Variants in ENOX1 observed in about 807,000 individuals in gnomAD.
The protein encoded by ENOX1 is ecto-NOX disulfide-thiol exchanger 1.
Under a neutral mutation model 82.5 loss-of-function variants are expected in ENOX1, and 42 were observed. The ratio of observed to expected loss-of-function variants is 0.51; its 90% CI spans 0.40 to 0.66. The LOEUF (loss-of-function observed/expected upper bound fraction) is 0.66, where lower values mean the gene tolerates loss of function less well. Ranked by LOEUF, ENOX1 falls within the 30% of genes least tolerant of loss-of-function variation. The pLI is 0.00. For missense variants in ENOX1, 608 were observed against 811.6 expected (o/e 0.75, Z 3.05); for synonymous variants, 271 against 282.2 (o/e 0.96, Z 0.40).
rs1049683582 is a variant in ENOX1 at position 43,250,232 on chromosome 13, G to A, written c.1612-13494C>T. 2.6e-5 allele frequency among the ~76,000 whole-genome samples: 4 copies of A among 152,214 alleles called. No homozygotes were observed. In the East Asian group the frequency reaches 7.7e-4, roughly 29 times the overall value. Reference sequence around the variant, plus strand: ...GGGCCTTTAGTCCATGCTGCCTTCTGTCTGAATGATCTCTCCGGAAACTAT... The same window carrying A: ...GGGCCTTTAGTCCATGCTGCCTTCTATCTGAATGATCTCTCCGGAAACTAT... On this transcript the variant is annotated intron_variant, in intron 14 of 16. Coordinates refer to ENST00000690772, the MANE Select transcript of ENOX1 (RefSeq NM_001347969.2).
intron 2 of ENOX1, among the ~76,000 whole-genome samples, chr13:43,498,448 A>C (rs575446423): frequency 6.6e-6 from 1 of 152,204 alleles, no homozygotes; most frequent in East Asian, 1.9e-4. Context: ...ACAGAAGCCA[A>C]CCTTAAAGCG....
At chr13:43,618,820 T>A (rs1193703985) in intron 2 of ENOX1, among the ~76,000 whole-genome samples, 9 of 152,142 alleles carry the variant, frequency 5.9e-5, no homozygotes, top group Non-Finnish European at 1.3e-4. Context: ...TGTAGATTGC[T>A]TTTGGCAGTA....
At chr13:43,596,721 T>C (rs2081490626) in intron 2 of ENOX1, among the ~76,000 whole-genome samples, 1 of 152,258 alleles carries the variant, frequency 6.6e-6, no homozygotes, top group African/African-American at 2.4e-5. Context: ...ATGTACAACA[T>C]ACTTTAGACA....
chr13:43,670,542 C>T (rs1003550329), intron 1 of ENOX1, among the ~76,000 whole-genome samples: 2 of 152,070 alleles, frequency 1.3e-5, no homozygotes, highest in African/African-American at 4.8e-5. Context: ...CCTTAAGACA[C>T]AACTGAATTA....
At chr13:43,478,054 GTTTTTTTTTTT>G (rs756717438) in intron 3 of ENOX1, among the ~76,000 whole-genome samples, 1 of 100,450 alleles carries the variant, frequency 1.0e-5, no homozygotes, top group South Asian at 3.4e-4. Flanking sequence ...AGCCAGAGAG[GTTTTTTTTTTT>G]TTTTTTTTTT....
chr13:43,728,220 C>G (rs954897), intron 1 of ENOX1, among the ~76,000 whole-genome samples: 11,983 of 152,208 alleles, frequency 0.079, 712 homozygotes, highest in African/African-American at 0.16. Context: ...GTCAGAGAAC[C>G]TTCTTTTTCT....
intron 12 of ENOX1, among the ~76,000 whole-genome samples, chr13:43,275,381 A>C (rs2044950254): frequency 6.6e-6 from 1 of 152,210 alleles, no homozygotes; most frequent in East Asian, 1.9e-4. Flanking sequence ...CCCTATATGA[A>C]ATACATCAGC....
chr13:43,377,657 G>C (rs1393422282), intron 5 of ENOX1, among the ~76,000 whole-genome samples: 1 of 152,190 alleles, frequency 6.6e-6, no homozygotes, highest in Non-Finnish European at 1.5e-5. Context: ...TAGGCGCCAG[G>C]CAAGGTGCTA....
rs1566880844 is a variant in ENOX1 at position 43,754,057 on chromosome 13, T to TATATACGTATATAAATAC, written c.-285+32594_-285+32595insGTATTTATATACGTATAT. Reference sequence around the variant, plus strand: ...ATATGTATATAAATACACATATATATACATATATACGTATATAAATACACA... The same window carrying TATATACGTATATAAATAC: ...ATATGTATATAAATACACATATATATATATACGTATATAAATACACATATATACGTATATAAATACACA... On this transcript the variant is annotated intron_variant, in intron 1 of 16. Coordinates refer to ENST00000690772, the MANE Select transcript of ENOX1 (RefSeq NM_001347969.2). Among the ~76,000 whole-genome samples the TATATACGTATATAAATAC allele has an allele frequency of 2.9e-5, 4 of 139,150 alleles. 1 individual carries two copies. Among genetic ancestry groups the TATATACGTATATAAATAC allele is most frequent in the Non-Finnish European group, 6.3e-5 (4 of 63,844 alleles). The allele number at this position is 139,150 out of a possible 152,430, so 91.3% of individuals were successfully genotyped here.
intron 3 of ENOX1, among the ~76,000 whole-genome samples, chr13:43,418,221 C>A (rs545310173): frequency 6.6e-5 from 10 of 150,642 alleles, no homozygotes; most frequent in Admixed American, 1.3e-4. Flanking sequence ...AAAGTAAATA[C>A]ATAAAATAAT....
intron 5 of ENOX1, among the ~76,000 whole-genome samples, chr13:43,404,153 A>G (rs916574173): frequency 1.1e-4 from 17 of 152,204 alleles, no homozygotes; most frequent in Non-Finnish European, 2.4e-4. Flanking sequence ...TGTTAGCAGA[A>G]ATAAAGAAAC....
At chr13:43,309,168 T>C (rs969436977) in intron 11 of ENOX1, among the ~76,000 whole-genome samples, 1 of 151,946 alleles carries the variant, frequency 6.6e-6, no homozygotes, top group Non-Finnish European at 1.5e-5. Context: ...ATTACAGGTG[T>C]GTGCCACCAC....
chr13:43,250,734 G>T (rs2043406476), intron 14 of ENOX1, among the ~76,000 whole-genome samples: 1 of 152,178 alleles, frequency 6.6e-6, no homozygotes, highest in African/African-American at 2.4e-5. Context: ...AAGATTCAAA[G>T]ATGAATAATA....
intron 3 of ENOX1, chr13:43,458,533 T>TA (rs2057328266): frequency 6.6e-6 from 1 of 152,174 alleles, no homozygotes. Context: ...GCAGAGCTCT[T>TA]ACAGAAAATT....
chr13:43,646,793 C>T (rs149050656), intron 2 of ENOX1, among the ~76,000 whole-genome samples: 110 of 152,268 alleles, frequency 7.2e-4, no homozygotes, highest in Non-Finnish European at 1.1e-3. Context: ...TTTCCCTTCT[C>T]GCCTCATCAT....
chr13:43,685,286 AT>A lies in ENOX1; in HGVS notation c.-284-17743del, dbSNP rs2086008258. Among the ~76,000 whole-genome samples the A allele has an allele frequency of 3.9e-5, 6 of 152,178 alleles. No homozygotes were observed. In the South Asian group the frequency reaches 1.2e-3, roughly 32 times the overall value. ...TCTGCATCTTGCATAGTTTCCTTCTATTCCCCTGGGTAGCTTGCTGCCAGGA... is the reference window on the plus strand; with the variant it reads ...TCTGCATCTTGCATAGTTTCCTTCTATCCCCTGGGTAGCTTGCTGCCAGGA... On this transcript the variant is annotated intron_variant, in intron 1 of 16. Transcript: ENST00000690772.
At chr13:43,728,061 T>A (rs1594593337) in intron 1 of ENOX1, among the ~76,000 whole-genome samples, 1 of 152,338 alleles carries the variant, frequency 6.6e-6, no homozygotes, top group South Asian at 2.1e-4. Context: ...CTTGGGCTTT[T>A]ATAAATCCAA....
In ENOX1 at chr13:43,492,349, G is replaced by A. The variant is rs1171422615; in HGVS notation, c.-218-8197C>T. ...CCTTGTGAGAGACCCAGAGTTGGAG[G>A]ACCCAGCTAAGGCATGCTCAGATTC... On this transcript the variant is annotated intron_variant, in intron 2 of 16. Coordinates refer to ENST00000690772, the MANE Select transcript of ENOX1 (RefSeq NM_001347969.2). Among the ~76,000 whole-genome samples, 6 of 152,248 alleles carry A rather than the reference G, an allele frequency of 3.9e-5. No homozygotes were observed. The East Asian group carries it at 1.2e-3, about 29-fold the overall frequency.
chr13:43,362,611 G>A (rs973695308), intron 5 of ENOX1, among the ~76,000 whole-genome samples: 3 of 148,350 alleles, frequency 2.0e-5, no homozygotes, highest in South Asian at 2.3e-4. Context: ...TTAGGCCTCC[G>A]CATGGCCTCA....
Sources: allele counts gnomAD v4.1 joint callset (sites outside exome capture counted in the v4.1 genomes callset), GRCh38; gene constraint gnomAD v4.1.1; transcripts MANE v1.5; gene names NCBI Gene and HGNC (gene_info 2026-07-23, HGNC 2026-07-21).